Variants in FREM3 observed in about 807,000 individuals in gnomAD.
FREM3 encodes FRAS1-related extracellular matrix protein 3.
In FREM3, 105 loss-of-function variants were observed where a neutral mutation model predicts 129.1. That is an observed-to-expected ratio of 0.81 (90% confidence interval 0.69 to 0.96). The LOEUF (loss-of-function observed/expected upper bound fraction) is 0.96, where lower values mean the gene tolerates loss of function less well. Ranked by LOEUF, FREM3 falls within the 40% of genes least tolerant of loss-of-function variation. The pLI is 0.00. For missense variants in FREM3, 2,593 were observed against 2,666.3 expected (o/e 0.97, Z 0.61); for synonymous variants, 1,014 against 1,044.9 (o/e 0.97, Z 0.57).
At position 143,693,205 on chromosome 4, in the gene FREM3, A is replaced by G. The variant is rs947477900; in HGVS notation, c.5186-3T>C. 5 of 1,266,494 alleles carry G rather than the reference A, an allele frequency of 3.9e-6. No homozygotes were observed. The Admixed American group carries it at 1.1e-4, about 27-fold the overall frequency. The allele number at this position is 1,266,494 out of a possible 1,614,324, so 78.5% of individuals were successfully genotyped here. ...TATCTTCATCTCATCAATGTCAGCT[A>G]AAAAAAAAGCAACCATCACACAAAG... On this transcript the variant is annotated splice_polypyrimidine_tract_variant and splice_region_variant and intron_variant, in intron 1 of 7. Coordinates refer to ENST00000329798, the MANE Select transcript of FREM3 (RefSeq NM_001168235.2).
intron 2 of FREM3, among the ~76,000 whole-genome samples, chr4:143,685,317 A>C (rs1740340378): frequency 6.6e-6 from 1 of 152,218 alleles, no homozygotes; most frequent in African/African-American, 2.4e-5. Flanking sequence ...AAATCCTACA[A>C]GCTAGAAGGG....
chr4:143,625,939 G>C (rs1245687305), intron 3 of FREM3, among the ~76,000 whole-genome samples: 1 of 152,174 alleles, frequency 6.6e-6, no homozygotes, highest in African/African-American at 2.4e-5. Flanking sequence ...TCGTGAGATG[G>C]ATAATTTACT....
intron 2 of FREM3, among the ~76,000 whole-genome samples, chr4:143,674,060 C>T (rs902053470): frequency 1.1e-4 from 17 of 152,182 alleles, no homozygotes; most frequent in African/African-American, 3.9e-4. Flanking sequence ...GATGCCTCGC[C>T]CTGCTTTGGC....
At chr4:143,622,492 T>G (rs1187589907) in intron 4 of FREM3, among the ~76,000 whole-genome samples, 7 of 151,902 alleles carry the variant, frequency 4.6e-5, no homozygotes, top group Admixed American at 2.6e-4. Flanking sequence ...TGTATATTAA[T>G]TTTTTTCTTC....
intron 5 of FREM3, among the ~76,000 whole-genome samples, chr4:143,619,220 C>T (rs1371200465): frequency 6.6e-6 from 1 of 152,120 alleles, no homozygotes; most frequent in African/African-American, 2.4e-5. Context: ...TATGAATTAC[C>T]ATGTAGCTTG....
rs916216020 is a variant in FREM3 at position 143,700,459 on chromosome 4, G to A, written c.217C>T (p.Leu73=). The change falls in exon 1 of 8, where the codon CTG becomes TTG. Residue 73 remains leucine (L), a synonymous_variant. Coordinates refer to ENST00000329798, the MANE Select transcript of FREM3 (RefSeq NM_001168235.2). ...LIANPGLRVP[L]GRSLWLDPLR... is the part of the protein sequence containing the mutation. Reference sequence around the variant, plus strand: ...GGGTCGAGCCAAAGGGAACGACCCAGGGGCACCCGGAGTCCAGGGTTGGCA... The same window carrying A: ...GGGTCGAGCCAAAGGGAACGACCCAAGGGCACCCGGAGTCCAGGGTTGGCA... 1 of 1,516,774 alleles carries A rather than the reference G, an allele frequency of 6.6e-7. No homozygotes were observed. 94.0% of individuals were successfully genotyped at this position (1,516,774 alleles called of 1,614,324 possible).
At chr4:143,650,817 C>A (rs769517805) in intron 2 of FREM3, among the ~76,000 whole-genome samples, 4 of 152,212 alleles carry the variant, frequency 2.6e-5, no homozygotes, top group African/African-American at 4.8e-5. Flanking sequence ...TCATTTATAT[C>A]AGTACTGTGG....
At chr4:143,688,327 A>G (rs1371862657) in intron 2 of FREM3, among the ~76,000 whole-genome samples, 1 of 152,202 alleles carries the variant, frequency 6.6e-6, no homozygotes, top group Non-Finnish European at 1.5e-5. Flanking sequence ...AGGAGTCAAA[A>G]GACCTCTACA....
chr4:143,590,666 C>T (rs1358302444), intron 6 of FREM3, among the ~76,000 whole-genome samples: 1 of 152,128 alleles, frequency 6.6e-6, no homozygotes, highest in African/African-American at 2.4e-5. Context: ...ATTTTTGCAT[C>T]AATGTTCATC....
chr4:143,697,793 C>T lies in FREM3; in HGVS notation c.2883G>A (p.Glu961=). 1 of 1,537,572 alleles carries T rather than the reference C, an allele frequency of 6.5e-7. No homozygotes were observed. The highest frequency in any genetic ancestry group is 8.7e-7 in the Non-Finnish European group (1 of 1,146,976). The change falls in exon 1 of 8, where the codon GAG becomes GAA. Residue 961 remains glutamate, a synonymous_variant. Transcript: ENST00000329798. ...CCATGGTAATTTCAGTGGCTTTATT[C>T]TCTAGTACGTCTATAGAAACATCCA... is the stretch of plus-strand genomic sequence containing the variant. ...SLLDVSIDVL[E]NKATEITMGV... is the part of the protein sequence containing the mutation.
intron 2 of FREM3, among the ~76,000 whole-genome samples, chr4:143,634,617 G>A (rs1739203098): frequency 6.6e-6 from 1 of 152,118 alleles, no homozygotes; most frequent in South Asian, 2.1e-4. Context: ...GCCTCCTCAT[G>A]TGTGGCTCCG....
chr4:143,594,056 C>T (rs377680670), intron 6 of FREM3, among the ~76,000 whole-genome samples: 9 of 152,246 alleles, frequency 5.9e-5, no homozygotes, highest in Admixed American at 3.3e-4. Context: ...CCTGGTGTGC[C>T]GTTTGAGAAG....
Position 143,693,131 on chromosome 4 carries a change from A to T in FREM3, c.5257T>A (p.Phe1753Ile). 6.6e-7 allele frequency: 1 copy of T among 1,504,706 alleles called. No individual in the cohort carries two copies. Among genetic ancestry groups the T allele is most frequent in the African/African-American group, 1.4e-5 (1 of 72,394 alleles). The allele number at this position is 1,504,706 out of a possible 1,614,324, so 93.2% of individuals were successfully genotyped here. A position where few individuals can be genotyped will look rare whatever the true frequency, so the allele number is the denominator to read the frequency against. ...GACTTACCATTGTCTTCAACAGAGA[A>T]ATAGAAGATGTCCTTTGATGCGTTG... ...GSNASKDIFYFSVEDNGGNKL... is the reference protein window; with the variant it reads ...GSNASKDIFYISVEDNGGNKL... The change falls in exon 2 of 8, where the codon TTC becomes ATC. Residue 1753 changes from phenylalanine to isoleucine, a missense_variant. Phe to Ile is a conservative substitution (Grantham distance 21). Around this residue, in one of 2 missense-constraint regions of FREM3, gnomAD observed 2,276 missense variants for 2,267.2 expected, o/e 1.00. Coordinates refer to ENST00000329798, the MANE Select transcript of FREM3 (RefSeq NM_001168235.2).
At chr4:143,613,401 A>C (rs1458260341) in intron 5 of FREM3, among the ~76,000 whole-genome samples, 3 of 152,210 alleles carry the variant, frequency 2.0e-5, no homozygotes, top group Non-Finnish European at 2.9e-5. Flanking sequence ...TATGCATGAA[A>C]AAGGTCTCCA....
At chr4:143,590,134 T>G (rs1325109900) in intron 6 of FREM3, among the ~76,000 whole-genome samples, 1 of 152,138 alleles carries the variant, frequency 6.6e-6, no homozygotes, top group Non-Finnish European at 1.5e-5. Context: ...AAGGAGATTT[T>G]GGGCTGAGAC....
intron 2 of FREM3, among the ~76,000 whole-genome samples, chr4:143,657,175 C>G (rs1017122537): frequency 6.6e-6 from 1 of 152,314 alleles, no homozygotes; most frequent in South Asian, 2.1e-4. Flanking sequence ...CTCAATTAAA[C>G]TGTTTCTGCA....
At chr4:143,684,126 C>T (rs1274532489) in intron 2 of FREM3, among the ~76,000 whole-genome samples, 1 of 152,130 alleles carries the variant, frequency 6.6e-6, no homozygotes, top group African/African-American at 2.4e-5. Flanking sequence ...GGACCCTGCC[C>T]ACTGCTGGTT....
chr4:143,635,113 T>A (rs1739212637), intron 2 of FREM3, among the ~76,000 whole-genome samples: 1 of 152,194 alleles, frequency 6.6e-6, no homozygotes, highest in Non-Finnish European at 1.5e-5. Flanking sequence ...TGACACTATG[T>A]ACTTCAATGA....
chr4:143,688,978 T>C (rs986624669), intron 2 of FREM3, among the ~76,000 whole-genome samples: 4 of 152,148 alleles, frequency 2.6e-5, no homozygotes, highest in African/African-American at 9.7e-5. Context: ...AAGGATTTCA[T>C]GATCAAGATC....
Sources: gnomAD v4.1 joint callset for allele counts (sites outside exome capture counted in the v4.1 genomes callset) on GRCh38, gnomAD v4.1.1 for gene constraint, gnomAD v4.1.1 regional missense constraint, MANE v1.5 for transcripts, NCBI Gene and HGNC (gene_info 2026-07-23, HGNC 2026-07-21) for gene names.